RHEB: variants seen among roughly 807,000 people sequenced by gnomAD.
RHEB encodes the protein GTP-binding protein Rheb.
In RHEB, 2 loss-of-function variants were observed where a neutral mutation model predicts 28.8. That is an observed-to-expected ratio of 0.07 (90% CI 0.03 to 0.22). The LOEUF is 0.22. Among genes scored for constraint, RHEB ranks in the 10% least tolerant of loss-of-function variants. RHEB has a pLI of 1.00. For synonymous variants in RHEB, 69 were observed against 77.3 expected (o/e 0.89, Z 0.56); for missense variants, 76 against 219.9 (o/e 0.35, Z 4.14).
chr7:151,514,167 T>C (rs975230810), intron 1 of RHEB, among the ~76,000 whole-genome samples: 7 of 152,144 alleles, frequency 4.6e-5, no homozygotes, highest in Non-Finnish European at 7.4e-5. Flanking sequence ...CAACTTGATA[T>C]CCACATGCAA....
intron 1 of RHEB, among the ~76,000 whole-genome samples, chr7:151,508,246 G>A (rs1802922315): frequency 6.6e-6 from 1 of 152,124 alleles, no homozygotes; most frequent in Non-Finnish European, 1.5e-5. Flanking sequence ...CACAGTATGA[G>A]GAAAATGAGA....
chr7:151,495,557 A>G (rs1307635469), intron 1 of RHEB, among the ~76,000 whole-genome samples: 1 of 152,192 alleles, frequency 6.6e-6, no homozygotes, highest in Non-Finnish European at 1.5e-5. Context: ...TGTTGACTCA[A>G]TCTTATACCT....
intron 3 of RHEB, among the ~76,000 whole-genome samples, chr7:151,479,133 C>T (rs1176144657): frequency 6.6e-6 from 1 of 152,092 alleles, no homozygotes; most frequent in Non-Finnish European, 1.5e-5. Context: ...ACAAACAGAA[C>T]AGACTGAAAA....
chr7:151,517,095 G>A (rs536825877), intron 1 of RHEB, among the ~76,000 whole-genome samples: 8 of 152,194 alleles, frequency 5.3e-5, no homozygotes, highest in Non-Finnish European at 8.8e-5. Context: ...TGGGCATGGT[G>A]GCTCACGCCT....
chr7:151,486,343 T>TGA (rs1235279823), intron 2 of RHEB, among the ~76,000 whole-genome samples: 1 of 152,172 alleles, frequency 6.6e-6, no homozygotes, highest in East Asian at 1.9e-4. Context: ...AACAATTTCT[T>TGA]GAGTGCCTAT....
At chr7:151,498,178 A>T (rs1479938838) in intron 1 of RHEB, 2 of 1,289,010 alleles carry the variant, frequency 1.6e-6, no homozygotes, top group East Asian at 1.1e-4. Flanking sequence ...TGGCTTGAGG[A>T]ACCTTCAAGG....
At chr7:151,511,025 C>T (rs544467813) in intron 1 of RHEB, among the ~76,000 whole-genome samples, 28 of 152,072 alleles carry the variant, frequency 1.8e-4, no homozygotes, top group African/African-American at 6.3e-4. Flanking sequence ...CTGCAGTGTG[C>T]CGAGATCGCG....
In RHEB at chr7:151,498,706, C is replaced by G. The variant is rs1285730514; in HGVS notation, c.53-7692G>C. Among the ~76,000 whole-genome samples, 3 of 152,196 alleles carry G rather than the reference C, an allele frequency of 2.0e-5. No individual in the cohort carries two copies. The East Asian group carries it at 5.8e-4, about 29-fold the overall frequency. The stretch of plus-strand genomic sequence containing the variant: ...TACTGACTAAATGATGACATTCCCG[C>G]AGAACAGCTATTAGGTTTCTTCCCT... On this transcript the variant is annotated intron_variant, in intron 1 of 7. Coordinates refer to ENST00000262187, the MANE Select transcript of RHEB (RefSeq NM_005614.4).
Position 151,468,303 on chromosome 7 carries a change from C to A in RHEB, c.463-1092G>T, listed in dbSNP as rs1297706233. ...CATCTCCCCTGTCCCTTAACCACTTCTTGCTGCTCCTTTCCCTCTCGGTCA... is the reference window on the plus strand; with the variant it reads ...CATCTCCCCTGTCCCTTAACCACTTATTGCTGCTCCTTTCCCTCTCGGTCA... On this transcript the variant is annotated intron_variant, in intron 7 of 7. Coordinates refer to ENST00000262187, the MANE Select transcript of RHEB (RefSeq NM_005614.4). This position sits in a 1 kb window ranked among gnomAD's most constrained non-coding sequence, Gnocchi z 4.3. 3.3e-5 allele frequency among the ~76,000 whole-genome samples: 5 copies of A among 152,266 alleles called. No homozygotes were observed. Among genetic ancestry groups the A allele is most frequent in the African/African-American group, 1.2e-4 (5 of 41,472 alleles).
chr7:151,483,534 T>C (rs1802414518), intron 3 of RHEB, among the ~76,000 whole-genome samples: 2 of 152,170 alleles, frequency 1.3e-5, no homozygotes, highest in South Asian at 2.1e-4. Context: ...GCCAGGCCAA[T>C]ATGGCGAAAC....
intron 1 of RHEB, among the ~76,000 whole-genome samples, chr7:151,505,143 C>G (rs1384111297): frequency 6.8e-6 from 1 of 146,900 alleles, no homozygotes; most frequent in Non-Finnish European, 1.5e-5. Context: ...TAGACAGATT[C>G]CTGACACGAT....
At chr7:151,482,386 G>A (rs1285338244) in intron 3 of RHEB, among the ~76,000 whole-genome samples, 1 of 152,154 alleles carries the variant, frequency 6.6e-6, no homozygotes, top group African/African-American at 2.4e-5. Context: ...TTAAGGGCAT[G>A]AGCCACCATG....
chr7:151,477,455 A>C (rs767021178), intron 3 of RHEB, 40 bp from the exon 4 acceptor site: 1 of 1,186,178 alleles, frequency 8.4e-7, no homozygotes, highest in Non-Finnish European at 1.2e-6. Context: ...GTCTTCATAT[A>C]GCATCACAAA....
chr7:151,515,214 C>G (rs1313786242), intron 1 of RHEB, among the ~76,000 whole-genome samples: 1 of 152,024 alleles, frequency 6.6e-6, no homozygotes, highest in Non-Finnish European at 1.5e-5. Flanking sequence ...ACCTTGAAAA[C>G]ATTATACTAA....
chr7:151,499,858 G>C (rs1802741735), intron 1 of RHEB, among the ~76,000 whole-genome samples: 1 of 152,196 alleles, frequency 6.6e-6, no homozygotes, highest in East Asian at 1.9e-4. Context: ...GCCCAGGCTG[G>C]AGTGCAGTAG....
chr7:151,488,915 A>G (rs1204898276), intron 2 of RHEB, among the ~76,000 whole-genome samples: 1 of 152,210 alleles, frequency 6.6e-6, no homozygotes, highest in Admixed American at 6.5e-5. Flanking sequence ...TAGCTCCATG[A>G]TACACAACTC....
At chr7:151,518,610 TCCGCCCCCCAA>T (rs1803123351) in intron 1 of RHEB, among the ~76,000 whole-genome samples, 1 of 152,046 alleles carries the variant, frequency 6.6e-6, no homozygotes, top group Admixed American at 6.6e-5. Flanking sequence ...TAACACCCCG[TCCGCCCCCCAA>T]CCCGACCCTA....
At chr7:151,495,298 A>G (rs1802653910) in intron 1 of RHEB, among the ~76,000 whole-genome samples, 1 of 152,256 alleles carries the variant, frequency 6.6e-6, no homozygotes, top group African/African-American at 2.4e-5. Context: ...CCTCAAACAC[A>G]AATCACTCAT....
chr7:151,490,547 G>A (rs1284423775), intron 2 of RHEB, among the ~76,000 whole-genome samples: 3 of 152,170 alleles, frequency 2.0e-5, no homozygotes, highest in Non-Finnish European at 4.4e-5. Context: ...GTGGGAGTAC[G>A]GCTTCTGTAA....
Sources: allele counts gnomAD v4.1 joint callset (sites outside exome capture counted in the v4.1 genomes callset), GRCh38; gene constraint gnomAD v4.1.1; non-coding constraint Gnocchi (gnomAD v3.1); transcripts MANE v1.5; gene names NCBI Gene and HGNC (gene_info 2026-07-23, HGNC 2026-07-21).